POLR3E: variants seen among roughly 807,000 people sequenced by gnomAD.
POLR3E encodes the protein RNA polymerase III subunit E, also known as DNA-directed RNA polymerase III subunit RPC5.
In POLR3E, 41 loss-of-function variants were observed where a neutral mutation model predicts 96.6. The ratio of observed to expected loss-of-function variants is 0.42; its 90% CI spans 0.33 to 0.55. POLR3E has a LOEUF of 0.55. POLR3E is among the 20% of genes least tolerant of loss of function. POLR3E has a pLI of 0.06. For synonymous variants in POLR3E, 396 were observed against 383.6 expected, an observed-to-expected ratio of 1.03 and a Z score of -0.38; for missense variants, 849 against 952.1, an observed-to-expected ratio of 0.89 and a Z score of 1.43.
intron 14 of POLR3E, among the ~76,000 whole-genome samples, chr16:22,324,006 G>A (rs1029095007): frequency 6.6e-6 from 1 of 152,128 alleles, no homozygotes; most frequent in Non-Finnish European, 1.5e-5. Flanking sequence ...ACTGTGAAGT[G>A]CCGCCTATGC....
intron 5 of POLR3E, 151 bp from the exon 6 acceptor site, chr16:22,309,277 C>A: frequency 1.4e-6 from 1 of 730,122 alleles, no homozygotes; most frequent in Admixed American, 1.9e-5. Flanking sequence ...CATCCCCAGG[C>A]TGCCCTCCTG....
At chr16:22,308,013 G>A in intron 3 of POLR3E, 135 bp from the exon 4 acceptor site, 3 of 668,436 alleles carry the variant, frequency 4.5e-6, no homozygotes, top group Non-Finnish European at 8.2e-6. Context: ...GGGCTGGGCA[G>A]CTTGTACCCT....
At chr16:22,329,327 G>A (rs2048686586) in intron 19 of POLR3E, among the ~76,000 whole-genome samples, 1 of 152,186 alleles carries the variant, frequency 6.6e-6, no homozygotes, top group Non-Finnish European at 1.5e-5. Flanking sequence ...TAGTCATACT[G>A]TGATGGGGAG....
chr16:22,304,392 G>A (rs2048091685), intron 2 of POLR3E, among the ~76,000 whole-genome samples: 1 of 152,200 alleles, frequency 6.6e-6, no homozygotes. Context: ...GCAGTAGCAG[G>A]AGTTACAACA....
chr16:22,316,233 G>A (rs1159305288), intron 9 of POLR3E, among the ~76,000 whole-genome samples: 1 of 152,194 alleles, frequency 6.6e-6, no homozygotes, highest in Non-Finnish European at 1.5e-5. Context: ...TAAAATGAGA[G>A]TAGTAATAAT....
At chr16:22,303,147 C>G (rs1335777800) in intron 2 of POLR3E, 143 bp downstream of exon 2, 1 of 799,388 alleles carries the variant, frequency 1.3e-6, no homozygotes, top group African/African-American at 1.7e-5. Flanking sequence ...GTCCCCTCTG[C>G]TGTCCCCCAG....
intron 6 of POLR3E, among the ~76,000 whole-genome samples, chr16:22,311,059 G>T (rs144141729): frequency 6.6e-6 from 1 of 152,130 alleles, no homozygotes; most frequent in Admixed American, 6.5e-5. Context: ...TCTGCCTTCC[G>T]GTTTCAAGCA....
At chr16:22,326,438 T>G (rs2048597529) in intron 18 of POLR3E, 160 bp downstream of exon 18, 2 of 670,798 alleles carry the variant, frequency 3.0e-6, no homozygotes, top group Non-Finnish European at 2.7e-6. Context: ...TGAGGCTCTA[T>G]TCTCATGAAA....
intron 6 of POLR3E, chr16:22,309,903 AGTT>A (rs1206200199): frequency 5.1e-6 from 1 of 196,552 alleles, no homozygotes; most frequent in African/African-American, 2.3e-5. Flanking sequence ...AACCATACAC[AGTT>A]GTTCACAGTA....
At chr16:22,319,066 C>T in intron 13 of POLR3E, 120 bp downstream of exon 13, 2 of 656,566 alleles carry the variant, frequency 3.0e-6, no homozygotes, top group Non-Finnish European at 4.9e-6. Flanking sequence ...CTTCTCCCTC[C>T]CAGGTCCAAG....
chr16:22,328,581 T>G lies in POLR3E; in HGVS notation c.1938T>G (p.Ser646Arg). Residue 646 changes from serine to arginine, a missense_variant, in exon 19 of 21, where the codon AGT becomes AGG. Physicochemically the swap from Ser to Arg is moderately radical, Grantham distance 110. Coordinates refer to ENST00000299853, the MANE Select transcript of POLR3E (RefSeq NM_018119.4). Reference sequence around the variant, plus strand: ...CCCTCTGGGAGTCTGGAGACATGAGTGATCAGGTGAGGTGAACTTTGCTGC... The same window carrying G: ...CCCTCTGGGAGTCTGGAGACATGAGGGATCAGGTGAGGTGAACTTTGCTGC... ...VFALWESGDM[S>R]DQHRQVLLEI... 3.7e-6 allele frequency: 6 copies of G among 1,613,314 alleles called. No individual in the cohort carries two copies. Among genetic ancestry groups the G allele is most frequent in the Non-Finnish European group, 4.2e-6 (5 of 1,179,442 alleles).
At position 22,334,208 on chromosome 16, in the gene POLR3E, T is replaced by C. The variant is rs1471636539; in HGVS notation, c.*508T>C. ...TAAACCAAATTGAATTATTCTATTC[T>C]TGGGATTCTGTGGCCACTTCACCTT... On this transcript the variant is annotated 3_prime_UTR_variant, in exon 21 of 21. Coordinates refer to ENST00000299853, the MANE Select transcript of POLR3E (RefSeq NM_018119.4). 6.6e-6 allele frequency: 1 copy of C among 152,448 alleles called. No individual in the cohort carries two copies. The highest frequency in any genetic ancestry group is 1.5e-5 in the Non-Finnish European group (1 of 68,216). 9.4% of individuals were successfully genotyped at this position (152,448 alleles called of 1,614,324 possible). A position where few individuals can be genotyped will look rare whatever the true frequency, so the allele number is the denominator to read the frequency against.
chr16:22,320,918 C>G (rs1375660746), intron 13 of POLR3E, among the ~76,000 whole-genome samples: 4 of 152,132 alleles, frequency 2.6e-5, no homozygotes, highest in Admixed American at 2.0e-4. Context: ...GGCAGCCTGC[C>G]TTTGTTTTCC....
intron 8 of POLR3E, 154 bp from the exon 9 acceptor site, chr16:22,314,935 G>A (rs532864888): frequency 9.8e-6 from 7 of 714,078 alleles, no homozygotes; most frequent in East Asian, 5.8e-5. Flanking sequence ...GGAGGGACAC[G>A]GTTGGAACGG....
rs774113062 is a variant in POLR3E, at chr16:22,317,172, C to T, written c.831C>T (p.Pro277=). The change falls in exon 12 of 21, where the codon CCC becomes CCT. Residue 277 remains proline (P), a synonymous_variant. Coordinates refer to ENST00000299853, the MANE Select transcript of POLR3E (RefSeq NM_018119.4). ...VLSMAQLRTL[P]LADQIKILMK... ...CGATGGCCCAGCTGCGCACGCTGCC[C>T]CTGGCCGATCAGATCAAGATCCTGA... 160 of 1,613,606 alleles carry T rather than the reference C, an allele frequency of 9.9e-5. 1 individual carries two copies. The highest frequency in any genetic ancestry group is 4.6e-4 in the South Asian group (42 of 91,086).
intron 4 of POLR3E, chr16:22,308,532 T>A: frequency 2.1e-6 from 1 of 477,346 alleles, no homozygotes; most frequent in Non-Finnish European, 3.8e-6. Context: ...CTAGCGCCTA[T>A]CCATGGAGGG....
chr16:22,308,440 T>TG, intron 4 of POLR3E: 1 of 558,650 alleles, frequency 1.8e-6, no homozygotes, highest in East Asian at 3.0e-5. Flanking sequence ...AATGAGAGAA[T>TG]GGGGCCAGAT....
At position 22,322,957 on chromosome 16, in the gene POLR3E, C is replaced by G. The variant is rs747103290; in HGVS notation, c.1068+26C>G. The G allele has an allele frequency of 1.3e-6, 2 of 1,536,742 alleles. No individual in the cohort carries two copies. The highest frequency in any genetic ancestry group is 3.4e-5 in the Admixed American group (2 of 58,656). ...GTAAGTACCTTGGGTTCTCTGGACTCACGGTGGGGGCGTGGGAAGAGGGGG... is the reference window on the plus strand; with the variant it reads ...GTAAGTACCTTGGGTTCTCTGGACTGACGGTGGGGGCGTGGGAAGAGGGGG... On this transcript the variant is annotated intron_variant, in intron 14 of 20. Transcript: ENST00000299853. The surrounding 1 kb of genome is among the most constrained non-coding windows in gnomAD (Gnocchi z 5.2).
In POLR3E at chr16:22,322,919, C is replaced by T. The variant is rs755933095; in HGVS notation, c.1056C>T (p.Gly352=). The T allele has an allele frequency of 1.1e-5, 18 of 1,611,824 alleles. No homozygotes were observed. The highest frequency in any genetic ancestry group is 1.4e-5 in the Non-Finnish European group (17 of 1,178,566). The part of the protein sequence containing the change: ...SGVPAEVLCR[G]RDFVMWKFTQ... ...TGCCTGCTGAGGTGCTCTGCAGGGGCCGAGACTTCGTTGTAAGTACCTTGG... is the reference window on the plus strand; with the variant it reads ...TGCCTGCTGAGGTGCTCTGCAGGGGTCGAGACTTCGTTGTAAGTACCTTGG... The change falls in exon 14 of 21, where the codon GGC becomes GGT. Residue 352 remains glycine (G), a synonymous_variant. Coordinates refer to ENST00000299853, the MANE Select transcript of POLR3E (RefSeq NM_018119.4). The surrounding 1 kb of genome is among the most constrained non-coding windows in gnomAD (Gnocchi z 5.2).
Sources: allele counts gnomAD v4.1 joint callset (sites outside exome capture counted in the v4.1 genomes callset), GRCh38; gene constraint gnomAD v4.1.1; non-coding constraint Gnocchi (gnomAD v3.1); transcripts MANE v1.5; gene names NCBI Gene and HGNC (gene_info 2026-07-23, HGNC 2026-07-21).